PIP5K1A: variants seen among roughly 807,000 people sequenced by gnomAD.
PIP5K1A encodes phosphatidylinositol 4-phosphate 5-kinase type-1 alpha.
Under a neutral mutation model 72.9 loss-of-function variants are expected in PIP5K1A, and 46 were observed. The ratio of observed to expected loss-of-function variants is 0.63; its 90% CI spans 0.50 to 0.81. The LOEUF is 0.81. Among genes scored for constraint, PIP5K1A ranks in the 30% least tolerant of loss-of-function variants. PIP5K1A has a pLI of 0.00. For missense variants in PIP5K1A, 458 were observed against 706.1 expected, an observed-to-expected ratio of 0.65 and a Z score of 3.98; for synonymous variants, 228 against 255.1, an observed-to-expected ratio of 0.89 and a Z score of 1.01.
chr1:151,246,946 CAG>C lies in PIP5K1A; in HGVS notation c.1670_1671del (p.Glu557ValfsTer22). On this transcript the variant is annotated frameshift_variant, in exon 15 of 16. Transcript: ENST00000368888. LOFTEE classifies it high-confidence loss of function. The stretch of plus-strand genomic sequence containing the variant: ...ACAACCTTGGAAAAGCTTGAAGTTG[CAG>C]AGTCAGAGTTCACCCATGTGAGTAT... 6.2e-7 allele frequency: 1 copy of C among 1,613,324 alleles called. No individual in the cohort carries two copies. Among genetic ancestry groups the C allele is most frequent in the Non-Finnish European group, 8.5e-7 (1 of 1,179,432 alleles).
chr1:151,247,114 GTACT>G (rs1233441411), intron 15 of PIP5K1A, 149 bp downstream of exon 15: 2 of 393,358 alleles, frequency 5.1e-6, no homozygotes, highest in Non-Finnish European at 9.2e-6. Context: ...TTTTTATTTT[GTACT>G]TATTTATTTA....
intron 1 of PIP5K1A, among the ~76,000 whole-genome samples, chr1:151,212,913 C>CAT (rs1268000467): frequency 7.9e-6 from 1 of 126,002 alleles, no homozygotes; most frequent in Non-Finnish European, 1.6e-5. Context: ...TTTTTTGAGA[C>CAT]AGAGTCTCGC....
At chr1:151,211,945 C>CA (rs1460088983) in intron 1 of PIP5K1A, among the ~76,000 whole-genome samples, 1 of 150,704 alleles carries the variant, frequency 6.6e-6, no homozygotes, top group Non-Finnish European at 1.5e-5. Context: ...CTACTAAAAA[C>CA]AAAAAATAAA....
chr1:151,223,031 G>A (rs754402662), intron 1 of PIP5K1A, among the ~76,000 whole-genome samples: 9 of 151,504 alleles, frequency 5.9e-5, no homozygotes, highest in Non-Finnish European at 5.9e-5. Flanking sequence ...CAGCCAAGAT[G>A]GTGAAACCCT....
intron 12 of PIP5K1A, among the ~76,000 whole-genome samples, chr1:151,241,800 C>CAAA (rs201895156): frequency 1.7e-5 from 1 of 60,182 alleles, no homozygotes; most frequent in African/African-American, 5.9e-5. Context: ...AACTCCATCT[C>CAAA]AAAAAAAAAA....
At chr1:151,224,111 A>T (rs1688775451) in intron 1 of PIP5K1A, 134 bp from the exon 2 acceptor site, 1 of 792,308 alleles carries the variant, frequency 1.3e-6, no homozygotes. Flanking sequence ...ATCCAAAAGG[A>T]TCTGGTATTA....
intron 1 of PIP5K1A, among the ~76,000 whole-genome samples, chr1:151,219,460 G>T (rs1008548450): frequency 3.3e-5 from 5 of 151,722 alleles, no homozygotes; most frequent in African/African-American, 1.2e-4. Context: ...GCTGAGGCGG[G>T]CGGGTCATCT....
At chr1:151,212,839 C>T (rs962576390) in intron 1 of PIP5K1A, among the ~76,000 whole-genome samples, 2 of 149,328 alleles carry the variant, frequency 1.3e-5, no homozygotes, top group Non-Finnish European at 3.0e-5. Context: ...TCACAAAGTG[C>T]TGGGATTATA....
chr1:151,199,885 T>TAAGA (rs1465818788), intron 1 of PIP5K1A, among the ~76,000 whole-genome samples: 1 of 151,858 alleles, frequency 6.6e-6, no homozygotes, highest in Admixed American at 6.6e-5. Context: ...TGAAGCCATC[T>TAAGA]TTTCCCTCAG....
At chr1:151,215,646 A>G (rs1003109395) in intron 1 of PIP5K1A, among the ~76,000 whole-genome samples, 1 of 152,174 alleles carries the variant, frequency 6.6e-6, no homozygotes, top group African/African-American at 2.4e-5. Context: ...AAAGATAAAA[A>G]AGTCTGGCTG....
At chr1:151,216,324 G>A (rs1335358820) in intron 1 of PIP5K1A, among the ~76,000 whole-genome samples, 4 of 150,834 alleles carry the variant, frequency 2.7e-5, no homozygotes, top group Non-Finnish European at 5.9e-5. Context: ...ACTCCAGCCT[G>A]GGCAACAGAG....
At chr1:151,247,748 T>G in intron 15 of PIP5K1A, 115 bp from the exon 16 acceptor site, 1 of 841,332 alleles carries the variant, frequency 1.2e-6, no homozygotes, top group Non-Finnish European at 1.9e-6. Context: ...TAAAAAATAT[T>G]TTTGGTACCT....
intron 4 of PIP5K1A, among the ~76,000 whole-genome samples, chr1:151,229,944 C>T (rs1157224300): frequency 1.3e-5 from 2 of 151,750 alleles, no homozygotes; most frequent in Non-Finnish European, 2.9e-5. Context: ...AAAAATTAGT[C>T]GGGTGTGGTG....
At chr1:151,221,571 T>C (rs1180163891) in intron 1 of PIP5K1A, among the ~76,000 whole-genome samples, 4 of 152,198 alleles carry the variant, frequency 2.6e-5, no homozygotes, top group Middle Eastern at 3.2e-3. Context: ...CTCAAGATTC[T>C]CAGACAAAAT....
intron 1 of PIP5K1A, among the ~76,000 whole-genome samples, chr1:151,214,484 G>A (rs927954325): frequency 1.1e-4 from 16 of 151,932 alleles, no homozygotes; most frequent in Admixed American, 2.0e-4. Flanking sequence ...ATTATCAAGC[G>A]ATTCTCGTGC....
intron 15 of PIP5K1A, 54 bp downstream of exon 15, chr1:151,247,019 C>T: frequency 8.2e-7 from 1 of 1,221,606 alleles, no homozygotes; most frequent in Non-Finnish European, 1.2e-6. Context: ...TAAAGAGGAT[C>T]ACTGATGGCC....
chr1:151,199,039 T>G lies in PIP5K1A; in HGVS notation c.43T>G (p.Ser15Ala), dbSNP rs1217129145. The G allele has an allele frequency of 1.9e-6, 3 of 1,614,190 alleles. No individual in the cohort carries two copies. The highest frequency in any genetic ancestry group is 3.3e-5 in the Admixed American group (2 of 60,022). Reference protein sequence around the residue: ...SSGPSSSVGFSSFDPAVPSCT... With the variant: ...SSGPSSSVGFASFDPAVPSCT... ...CGGGCCGTCGTCTTCGGTCGGTTTT[T>G]CATCCTTTGATCCCGCGGTCCCTTC... The change falls in exon 1 of 16, where the codon TCA becomes GCA. Residue 15 changes from serine (S) to alanine (A), a missense_variant. Around this residue, in one of 3 missense-constraint regions of PIP5K1A, gnomAD observed 81 missense variants for 88.0 expected, o/e 0.92. Transcript: ENST00000368888.
chr1:151,242,595 T>C lies in PIP5K1A; in HGVS notation c.1640+28T>C, dbSNP rs377455835. ...TGGTTTATTGGCCCCTTTCTCCATA[T>C]AATCTTATCTCTCTTTTCAAGTCCT... is the stretch of plus-strand genomic sequence containing the variant. On this transcript the variant is annotated intron_variant, in intron 14 of 15. Coordinates refer to ENST00000368888, the MANE Select transcript of PIP5K1A (RefSeq NM_001135638.2). 5 of 1,593,872 alleles carry C rather than the reference T, an allele frequency of 3.1e-6. No individual in the cohort carries two copies. The African/African-American group carries it at 5.4e-5, about 17-fold the overall frequency.
At chr1:151,213,750 G>A (rs1357852832) in intron 1 of PIP5K1A, among the ~76,000 whole-genome samples, 3 of 152,146 alleles carry the variant, frequency 2.0e-5, no homozygotes, top group Non-Finnish European at 4.4e-5. Flanking sequence ...TGTGGGGAGT[G>A]TGGTGGTTTG....
Sources: allele counts gnomAD v4.1 joint callset (sites outside exome capture counted in the v4.1 genomes callset), GRCh38; gene constraint gnomAD v4.1.1; regional missense constraint gnomAD v4.1.1; transcripts MANE v1.5; gene names NCBI Gene and HGNC (gene_info 2026-07-23, HGNC 2026-07-21).